ADGRG5: variants seen among roughly 807,000 people sequenced by gnomAD.
ADGRG5 encodes G protein-coupled receptor 114.
ADGRG5 carries 37 observed loss-of-function variants against 53.2 expected under a neutral mutation model. The observed-to-expected ratio is 0.70, with a 90% CI of 0.53 to 0.91. The LOEUF (loss-of-function observed/expected upper bound fraction) is 0.91, where lower values mean the gene tolerates loss of function less well. Ranked by LOEUF, ADGRG5 falls within the 40% of genes least tolerant of loss-of-function variation. The pLI is 0.00. For missense variants in ADGRG5, 614 were observed against 675.8 expected (o/e 0.91, Z 1.01); for synonymous variants, 277 against 290.4 (o/e 0.95, Z 0.47).
Position 57,574,290 on chromosome 16 carries a change from A to G in ADGRG5, c.1209-525A>G, listed in dbSNP as rs1319308676. 6.6e-6 allele frequency among the ~76,000 whole-genome samples: 1 copy of G among 152,146 alleles called. No individual in the cohort carries two copies. Among genetic ancestry groups the G allele is most frequent in the Admixed American group, 6.5e-5 (1 of 15,280 alleles). ...TTGGAGGGTCCCTGTCCACCAAGCC[A>G]CAGGTTGGCAGCCCGCCCACTCTCC... On this transcript the variant is annotated intron_variant, in intron 10 of 11. Transcript: ENST00000349457. This position sits in a 1 kb window ranked among gnomAD's most constrained non-coding sequence, Gnocchi z 4.4.
chr16:57,553,157 C>T (rs1230896103), intron 1 of ADGRG5, among the ~76,000 whole-genome samples: 3 of 152,124 alleles, frequency 2.0e-5, no homozygotes, highest in Admixed American at 2.0e-4. Context: ...ATTACCAAAA[C>T]AGGACCCAGC....
chr16:57,547,299 C>T (rs556051089), intron 1 of ADGRG5, among the ~76,000 whole-genome samples: 175 of 152,218 alleles, frequency 1.1e-3, no homozygotes, highest in African/African-American at 4.1e-3. Flanking sequence ...ATTTTGGTGG[C>T]CACCCTTCTA....
chr16:57,545,794 A>G (rs2032602384), intron 1 of ADGRG5, among the ~76,000 whole-genome samples: 1 of 149,820 alleles, frequency 6.7e-6, no homozygotes, highest in Non-Finnish European at 1.5e-5. Context: ...AGCTGTGCTT[A>G]TATTATTTCT....
At chr16:57,561,501 T>C (rs1285822179) in intron 1 of ADGRG5, among the ~76,000 whole-genome samples, 2 of 152,230 alleles carry the variant, frequency 1.3e-5, no homozygotes, top group Non-Finnish European at 2.9e-5. Context: ...GTACTGTTTT[T>C]CATGCCTCTT....
the ADGRG5 span, among the ~76,000 whole-genome samples, chr16:57,532,698 G>GACACACAC: frequency 6.7e-6 from 1 of 148,176 alleles, no homozygotes; most frequent in Admixed American, 6.7e-5. Context: ...AAGTGAAGCA[G>GACACACAC]ACACACACAC....
At position 57,575,769 on chromosome 16, in the gene ADGRG5, C is replaced by G; in HGVS notation, c.*231C>G. The stretch of plus-strand genomic sequence containing the variant: ...ATCCAACCTTACCTGGGGCAGCAAA[C>G]TTTGTCCTGGTACCTGGGCCCAGCT... On this transcript the variant is annotated 3_prime_UTR_variant, in exon 12 of 12. Coordinates refer to ENST00000349457, the MANE Select transcript of ADGRG5 (RefSeq NM_001304376.3). The G allele has an allele frequency of 1.9e-6, 1 of 519,784 alleles. No homozygotes were observed. The highest frequency in any genetic ancestry group is 3.5e-6 in the Non-Finnish European group (1 of 286,730). The allele number at this position is 519,784 out of a possible 1,614,324, so 32.2% of individuals were successfully genotyped here.
chr16:57,575,032 T>G lies in ADGRG5; in HGVS notation c.1426T>G (p.Ser476Ala). 8 of 1,614,004 alleles carry G rather than the reference T, an allele frequency of 5.0e-6. No individual in the cohort carries two copies. The highest frequency in any genetic ancestry group is 5.9e-6 in the Non-Finnish European group (7 of 1,179,994). The change falls in exon 11 of 12, where the codon TCT (serine) becomes GCT (alanine). Residue 476 changes from serine to alanine, a missense_variant. Coordinates refer to ENST00000349457, the MANE Select transcript of ADGRG5 (RefSeq NM_001304376.3). ...LGTTWALAFFSFGVFLLPQLF... is the reference protein window; with the variant it reads ...LGTTWALAFFAFGVFLLPQLF... ...AACCACCTGGGCCTTGGCCTTCTTTTCTTTTGGCGTCTTCCTGCTGCCCCA... is the reference window on the plus strand; with the variant it reads ...AACCACCTGGGCCTTGGCCTTCTTTGCTTTTGGCGTCTTCCTGCTGCCCCA...
At chr16:57,565,518 C>G (rs2033110839) in intron 6 of ADGRG5, 2 of 362,044 alleles carry the variant, frequency 5.5e-6, no homozygotes, top group African/African-American at 2.1e-5. Flanking sequence ...TCTTGGCTGT[C>G]CATTCTGTGG....
At position 57,556,908 on chromosome 16, in the gene ADGRG5, C is replaced by CTTTTTTTTTTTTTTTTT. The variant is rs35948606; in HGVS notation, c.-38-5145_-38-5129dup. ...GAAGAAGTTCTTATTTTGCCTTCTT[C>CTTTTTTTTTTTTTTTTT]TTTTTTTTTTTTTTTTTTTGAGACA... On this transcript the variant is annotated intron_variant, in intron 1 of 11. Transcript: ENST00000349457. 4.9e-4 allele frequency among the ~76,000 whole-genome samples: 57 copies of CTTTTTTTTTTTTTTTTT among 115,778 alleles called. 1 individual carries two copies. Among genetic ancestry groups the CTTTTTTTTTTTTTTTTT allele is most frequent in the African/African-American group, 2.0e-3 (54 of 27,408 alleles). 76.0% of individuals were successfully genotyped at this position (115,778 alleles called of 152,430 possible).
the ADGRG5 span, among the ~76,000 whole-genome samples, chr16:57,533,174 C>T: frequency 2.0e-5 from 3 of 152,116 alleles, no homozygotes; most frequent in African/African-American, 4.8e-5. Context: ...CAGGCCCCTC[C>T]TAGGGGCTGG....
chr16:57,531,793 G>A, the ADGRG5 span, among the ~76,000 whole-genome samples: 7 of 152,098 alleles, frequency 4.6e-5, no homozygotes, highest in African/African-American at 7.2e-5. Context: ...TGTGCCCTAG[G>A]CCCCTCCTGT....
chr16:57,566,199 C>A (rs1308400749), intron 6 of ADGRG5: 1 of 164,472 alleles, frequency 6.1e-6, no homozygotes, highest in East Asian at 1.7e-4. Flanking sequence ...TCTCCCCCAA[C>A]CAGGCGTGGG....
chr16:57,530,687 G>A, the ADGRG5 span, among the ~76,000 whole-genome samples: 2 of 152,028 alleles, frequency 1.3e-5, no homozygotes. Flanking sequence ...TCCTTGAGCC[G>A]AAGGCCTCCC....
the ADGRG5 span, among the ~76,000 whole-genome samples, chr16:57,529,617 C>A: frequency 6.6e-6 from 1 of 152,214 alleles, no homozygotes; most frequent in African/African-American, 2.4e-5. The surrounding 1 kb of genome is among the most constrained non-coding windows in gnomAD (Gnocchi z 4.1). Flanking sequence ...TACTACTATG[C>A]AACTTCCGCA....
At chr16:57,570,025 T>A (rs77715089) in intron 9 of ADGRG5, among the ~76,000 whole-genome samples, 43 of 100,090 alleles carry the variant, frequency 4.3e-4, no homozygotes, top group Admixed American at 5.5e-4. Flanking sequence ...CTACTCCACC[T>A]CCATCTCCAC....
At chr16:57,547,187 T>C (rs2032639038) in intron 1 of ADGRG5, among the ~76,000 whole-genome samples, 1 of 152,220 alleles carries the variant, frequency 6.6e-6, no homozygotes, top group African/African-American at 2.4e-5. Flanking sequence ...TTTTTTGTTG[T>C]TGTCATGAAG....
chr16:57,558,196 T>C (rs115168757), intron 1 of ADGRG5, among the ~76,000 whole-genome samples: 3,318 of 152,294 alleles, frequency 0.022, 121 homozygotes, highest in South Asian at 0.084. Context: ...CTTGAACTCT[T>C]GGGCTCAAAT....
upstream of ADGRG5, among the ~76,000 whole-genome samples, chr16:57,539,023 C>T (rs1307040675): frequency 6.6e-6 from 1 of 152,188 alleles, no homozygotes; most frequent in East Asian, 1.9e-4. Flanking sequence ...CATTTCTACA[C>T]CCATGTTGAT....
intron 9 of ADGRG5, among the ~76,000 whole-genome samples, chr16:57,569,492 T>C: frequency 1.4e-5 from 2 of 144,918 alleles, no homozygotes; most frequent in African/African-American, 2.6e-5. Context: ...ACCACCATCA[T>C]CACCTCCTCC....
Sources: allele counts gnomAD v4.1 joint callset (sites outside exome capture counted in the v4.1 genomes callset), GRCh38; gene constraint gnomAD v4.1.1; non-coding constraint Gnocchi (gnomAD v3.1); transcripts MANE v1.5; gene names NCBI Gene and HGNC (gene_info 2026-07-23, HGNC 2026-07-21).